Variants in ELOVL5 observed in about 807,000 individuals in gnomAD.
ELOVL5 encodes ELOVL fatty acid elongase 5, also known as very long chain fatty acid elongase 5.
Under a neutral mutation model 38.6 loss-of-function variants are expected in ELOVL5, and 8 were observed. That is an observed-to-expected ratio of 0.21 (90% CI 0.12 to 0.37). The LOEUF is 0.37. ELOVL5 is among the 10% of genes least tolerant of loss of function. The pLI, the probability that ELOVL5 is intolerant of heterozygous loss-of-function variation, is 1.00. For missense variants in ELOVL5, 280 were observed against 367.8 expected (o/e 0.76, Z 1.95); for synonymous variants, 127 against 133.7 (o/e 0.95, Z 0.34).
chr6:53,342,413 T>C (rs1027303982), intron 1 of ELOVL5, among the ~76,000 whole-genome samples: 1 of 152,176 alleles, frequency 6.6e-6, no homozygotes, highest in Admixed American at 6.5e-5. Flanking sequence ...AGTACTACTC[T>C]GGGGTTCAGA....
At chr6:53,305,517 T>A (rs1381739825) in intron 1 of ELOVL5, among the ~76,000 whole-genome samples, 7 of 144,452 alleles carry the variant, frequency 4.8e-5, no homozygotes, top group Admixed American at 2.7e-4. Context: ...TCTCCTCACT[T>A]CTCAGACGGG....
intron 1 of ELOVL5, among the ~76,000 whole-genome samples, chr6:53,320,481 A>G (rs209497): frequency 0.92 from 139,811 of 151,892 alleles, 64,678 homozygotes; most frequent in African/African-American, 0.98. Flanking sequence ...GACTACAAGC[A>G]CCCACCACCG....
intron 1 of ELOVL5, among the ~76,000 whole-genome samples, chr6:53,330,927 C>T (rs912371856): frequency 8.5e-5 from 13 of 152,150 alleles, no homozygotes; most frequent in Admixed American, 7.9e-4. Context: ...CACTGGAAGG[C>T]CTTCAGGGGC....
chr6:53,275,063 C>T lies in ELOVL5; in HGVS notation c.496+27G>A, dbSNP rs192623854. The T allele has an allele frequency of 2.1e-5, 33 of 1,609,700 alleles. No individual in the cohort carries two copies. The African/African-American group carries it at 2.7e-4, about 13-fold the overall frequency. The stretch of plus-strand genomic sequence containing the variant: ...ACTCTCCTCCCTGCTCACACCTGTT[C>T]CCCAAGTCCCCGTCTCTAATACTTA... On this transcript the variant is annotated intron_variant, in intron 5 of 7. Transcript: ENST00000304434.
intron 6 of ELOVL5, among the ~76,000 whole-genome samples, chr6:53,271,346 T>TCAA (rs1765913195): frequency 6.6e-6 from 1 of 152,034 alleles, no homozygotes; most frequent in Non-Finnish European, 1.5e-5. Context: ...GGTCAAGAGA[T>TCAA]CAACACCATC....
chr6:53,297,479 CTT>C (rs1767052607), intron 1 of ELOVL5, among the ~76,000 whole-genome samples: 1 of 152,192 alleles, frequency 6.6e-6, no homozygotes, highest in Non-Finnish European at 1.5e-5. Flanking sequence ...GGAATCATCT[CTT>C]TGTCCAGCGT....
intron 1 of ELOVL5, among the ~76,000 whole-genome samples, chr6:53,305,847 G>A (rs1260317118): frequency 3.3e-5 from 5 of 152,118 alleles, no homozygotes; most frequent in Non-Finnish European, 7.3e-5. Context: ...TGGGGCCAAG[G>A]CAGGCGGCTG....
chr6:53,283,477 T>C (rs1333963283), intron 3 of ELOVL5, among the ~76,000 whole-genome samples: 2 of 152,162 alleles, frequency 1.3e-5, no homozygotes, highest in Non-Finnish European at 2.9e-5. Flanking sequence ...TTTAATAGAA[T>C]ACTTAAAAAG....
chr6:53,305,350 C>T (rs1421378219), intron 1 of ELOVL5, among the ~76,000 whole-genome samples: 3 of 127,516 alleles, frequency 2.4e-5, no homozygotes, highest in Non-Finnish European at 4.9e-5. Context: ...ACCTCCCTCC[C>T]GGACGGGGCG....
At chr6:53,330,021 G>A (rs991777235) in intron 1 of ELOVL5, among the ~76,000 whole-genome samples, 1 of 152,046 alleles carries the variant, frequency 6.6e-6, no homozygotes, top group Non-Finnish European at 1.5e-5. Context: ...TTCTACAGAC[G>A]CGTCACTTAA....
chr6:53,346,704 A>G (rs1183051739), intron 1 of ELOVL5, among the ~76,000 whole-genome samples: 1 of 152,052 alleles, frequency 6.6e-6, no homozygotes, highest in African/African-American at 2.4e-5. Flanking sequence ...CACCAAAGTT[A>G]CCCTCAAGAA....
intron 1 of ELOVL5, among the ~76,000 whole-genome samples, chr6:53,315,970 T>C (rs1768018876): frequency 1.3e-5 from 2 of 152,226 alleles, no homozygotes; most frequent in Admixed American, 1.3e-4. Flanking sequence ...ACTGTAATAT[T>C]ACCTTGGGCA....
chr6:53,288,386 T>G (rs913809889), intron 3 of ELOVL5, among the ~76,000 whole-genome samples: 1 of 152,218 alleles, frequency 6.6e-6, no homozygotes, highest in Non-Finnish European at 1.5e-5. Context: ...TTCTCTTCTA[T>G]AACCTGGAAT....
intron 1 of ELOVL5, among the ~76,000 whole-genome samples, chr6:53,329,650 C>G (rs1768701233): frequency 6.6e-6 from 1 of 151,990 alleles, no homozygotes; most frequent in African/African-American, 2.4e-5. Flanking sequence ...ACGGTGAAAC[C>G]CCGTCTCTAC....
At chr6:53,294,947 G>A (rs961960274) in intron 2 of ELOVL5, among the ~76,000 whole-genome samples, 9 of 152,220 alleles carry the variant, frequency 5.9e-5, no homozygotes, top group African/African-American at 1.9e-4. Flanking sequence ...CTTTCTCCAC[G>A]CCTTCACTAT....
At chr6:53,345,455 G>A (rs573198206) in intron 1 of ELOVL5, among the ~76,000 whole-genome samples, 10 of 106,414 alleles carry the variant, frequency 9.4e-5, no homozygotes, top group African/African-American at 2.7e-4. Flanking sequence ...ATCTGCTTCT[G>A]ACTCTCTTTT....
At chr6:53,276,707 C>G (rs1162709088) in intron 3 of ELOVL5, among the ~76,000 whole-genome samples, 1 of 152,102 alleles carries the variant, frequency 6.6e-6, no homozygotes, top group Non-Finnish European at 1.5e-5. Flanking sequence ...GGGGGTGTTT[C>G]TGTTCCAGTA....
At chr6:53,338,034 G>A (rs1336667229) in intron 1 of ELOVL5, among the ~76,000 whole-genome samples, 1 of 152,158 alleles carries the variant, frequency 6.6e-6, no homozygotes, top group African/African-American at 2.4e-5. Flanking sequence ...ACCCAACGAT[G>A]AAAAGTTATG....
intron 1 of ELOVL5, among the ~76,000 whole-genome samples, chr6:53,328,689 A>G (rs1258329265): frequency 6.6e-6 from 1 of 152,260 alleles, no homozygotes; most frequent in Non-Finnish European, 1.5e-5. Flanking sequence ...AGCTATTTTA[A>G]AACTATTCCA....
Sources: allele counts gnomAD v4.1 joint callset (sites outside exome capture counted in the v4.1 genomes callset), GRCh38; gene constraint gnomAD v4.1.1; transcripts MANE v1.5; gene names NCBI Gene and HGNC (gene_info 2026-07-23, HGNC 2026-07-21).